The following LRRC4C variants were observed in gnomAD, a reference collection of about 807,000 sequenced individuals.
LRRC4C encodes the protein leucine rich repeat containing 4C, also known as leucine-rich repeat-containing protein 4C.
Under a neutral mutation model 33.6 loss-of-function variants are expected in LRRC4C, and 5 were observed. That is an observed-to-expected ratio of 0.15 (90% CI 0.08 to 0.31). The LOEUF is 0.31. Ranked by LOEUF, LRRC4C falls within the 10% of genes least tolerant of loss-of-function variation. The probability of loss-of-function intolerance (pLI) is 1.00; values close to 1 mark genes in which losing one functional copy is unlikely to be tolerated. For missense variants in LRRC4C, 560 were observed against 796.7 expected (o/e 0.70, Z 3.58); for synonymous variants, 329 against 302.0 (o/e 1.09, Z -0.93).
intron 2 of LRRC4C, among the ~76,000 whole-genome samples, chr11:40,683,532 T>G (rs892458379): frequency 5.7e-5 from 8 of 140,944 alleles, no homozygotes; most frequent in African/African-American, 2.6e-4. Flanking sequence ...AATTAATAAC[T>G]GATATAAAAA....
chr11:41,453,104 T>C (rs1415910712), intron 1 of LRRC4C, among the ~76,000 whole-genome samples: 1 of 152,110 alleles, frequency 6.6e-6, no homozygotes, highest in Non-Finnish European at 1.5e-5. Context: ...ACATAACATA[T>C]TGGGACATGC....
chr11:40,241,952 C>T (rs927724652), intron 4 of LRRC4C: 6 of 152,118 alleles, frequency 3.9e-5, no homozygotes, highest in Non-Finnish European at 7.3e-5. Flanking sequence ...TCTGGTGACT[C>T]CTTCTGTCTG....
intron 5 of LRRC4C, among the ~76,000 whole-genome samples, chr11:40,142,052 G>A (rs1247446161): frequency 6.6e-6 from 1 of 152,110 alleles, no homozygotes; most frequent in Non-Finnish European, 1.5e-5. Flanking sequence ...GGAGGCCGAG[G>A]TGGGTGGATC....
At chr11:41,332,375 A>C (rs1951322658) in intron 1 of LRRC4C, among the ~76,000 whole-genome samples, 1 of 152,182 alleles carries the variant, frequency 6.6e-6, no homozygotes, top group Non-Finnish European at 1.5e-5. Context: ...ATAAGTGCCC[A>C]GCTACCACCA....
chr11:41,155,226 C>A (rs1944174556), intron 1 of LRRC4C, among the ~76,000 whole-genome samples: 1 of 152,048 alleles, frequency 6.6e-6, no homozygotes, highest in South Asian at 2.1e-4. Flanking sequence ...ATGGGACATC[C>A]TTTAATGTAT....
chr11:40,988,978 C>A lies in LRRC4C; in HGVS notation c.-495-55255G>T, dbSNP rs958929707. Among the ~76,000 whole-genome samples the A allele has an allele frequency of 6.6e-5, 10 of 152,038 alleles. No individual in the cohort carries two copies. The East Asian group carries it at 1.6e-3, about 24-fold the overall frequency. On this transcript the variant is annotated intron_variant, in intron 1 of 6. Coordinates refer to ENST00000528697, the MANE Select transcript of LRRC4C (RefSeq NM_001258419.2). ...CTGGTGATTCGTGTGCCTTGGCCTC[C>A]TAAAGTGCTAGGATTACAGGCGTGA...
intron 1 of LRRC4C, among the ~76,000 whole-genome samples, chr11:40,935,079 G>T (rs1234164237): frequency 6.6e-6 from 1 of 152,024 alleles, no homozygotes; most frequent in Non-Finnish European, 1.5e-5. Flanking sequence ...TAAAATTGTT[G>T]TTCTCCTCCC....
At chr11:41,302,203 A>T (rs2137084610) in intron 1 of LRRC4C, among the ~76,000 whole-genome samples, 1 of 152,334 alleles carries the variant, frequency 6.6e-6, no homozygotes, top group East Asian at 1.9e-4. Context: ...AGCACATAAT[A>T]GGTTATAACA....
intron 3 of LRRC4C, among the ~76,000 whole-genome samples, chr11:40,364,560 C>T (rs973908428): frequency 6.6e-6 from 1 of 151,878 alleles, no homozygotes; most frequent in Non-Finnish European, 1.5e-5. Context: ...AGCAAGCAAA[C>T]GGAATACAAA....
At chr11:40,720,225 C>A (rs555333027) in intron 2 of LRRC4C, among the ~76,000 whole-genome samples, 8 of 152,182 alleles carry the variant, frequency 5.3e-5, no homozygotes, top group Non-Finnish European at 8.8e-5. Context: ...AAAGCTCAGG[C>A]TCTCTTCATT....
chr11:40,145,161 A>G (rs2135031773), intron 5 of LRRC4C, among the ~76,000 whole-genome samples: 1 of 152,320 alleles, frequency 6.6e-6, no homozygotes, highest in East Asian at 1.9e-4. Flanking sequence ...GAAATAGCTT[A>G]TTTGGTGAAA....
intron 3 of LRRC4C, among the ~76,000 whole-genome samples, chr11:40,547,303 A>G (rs943598391): frequency 6.6e-6 from 1 of 152,080 alleles, no homozygotes; most frequent in Non-Finnish European, 1.5e-5. Context: ...TCTTTCTAAA[A>G]TCATGGCACT....
In LRRC4C at chr11:40,851,555, G is replaced by A. The variant is rs530315070; in HGVS notation, c.-407+82080C>T. Among the ~76,000 whole-genome samples, 3 of 152,246 alleles carry A rather than the reference G, an allele frequency of 2.0e-5. No homozygotes were observed. In the East Asian group the frequency reaches 5.8e-4, roughly 30 times the overall value. ...GCCTTCTCTGTTGGTCTTGCTGGAA[G>A]CTGTAGACCGGAGCTGTTCCTATTT... is the stretch of plus-strand genomic sequence containing the variant. On this transcript the variant is annotated intron_variant, in intron 2 of 6. Coordinates refer to ENST00000528697, the MANE Select transcript of LRRC4C (RefSeq NM_001258419.2).
chr11:41,347,120 T>C (rs1161037262), intron 1 of LRRC4C, among the ~76,000 whole-genome samples: 1 of 152,194 alleles, frequency 6.6e-6, no homozygotes, highest in East Asian at 1.9e-4. Flanking sequence ...GGAAAGTTTA[T>C]TTACACCTTA....
intron 2 of LRRC4C, among the ~76,000 whole-genome samples, chr11:40,704,241 A>G (rs1946027744): frequency 6.6e-6 from 1 of 152,148 alleles, no homozygotes; most frequent in Admixed American, 6.6e-5. Flanking sequence ...GGACTTGAGC[A>G]TCCCTTCATT....
At chr11:40,744,919 G>T (rs11604546) in intron 2 of LRRC4C, among the ~76,000 whole-genome samples, 16,960 of 152,084 alleles carry the variant, frequency 0.11, 1,400 homozygotes, top group East Asian at 0.41. Flanking sequence ...ACCAACTACA[G>T]TAACATATAA....
intron 3 of LRRC4C, among the ~76,000 whole-genome samples, chr11:40,498,993 G>A (rs1217044891): frequency 6.6e-6 from 1 of 152,054 alleles, no homozygotes; most frequent in African/African-American, 2.4e-5. Context: ...ATGTTACCAG[G>A]GGACTTTTCA....
At chr11:40,260,636 C>T (rs184493433) in intron 4 of LRRC4C, among the ~76,000 whole-genome samples, 81 of 152,194 alleles carry the variant, frequency 5.3e-4, no homozygotes, top group African/African-American at 1.6e-3. Context: ...TAAAAGCTCC[C>T]GTCCAAGGAG....
chr11:40,287,621 A>T (rs1333524015), intron 4 of LRRC4C, among the ~76,000 whole-genome samples: 1 of 152,196 alleles, frequency 6.6e-6, no homozygotes, highest in Non-Finnish European at 1.5e-5. Flanking sequence ...CACAAAAATT[A>T]TTTTGAAGAA....
Sources: allele counts gnomAD v4.1 joint callset (sites outside exome capture counted in the v4.1 genomes callset), GRCh38; gene constraint gnomAD v4.1.1; transcripts MANE v1.5; gene names NCBI Gene and HGNC (gene_info 2026-07-23, HGNC 2026-07-21).